The following CPA6 variants were observed in gnomAD, a reference collection of about 807,000 sequenced individuals.
The protein encoded by CPA6 is carboxypeptidase B.
Under a neutral mutation model 63.3 loss-of-function variants are expected in CPA6, and 58 were observed. The ratio of observed to expected loss-of-function variants is 0.92; its 90% CI spans 0.74 to 1.14. CPA6 has a LOEUF of 1.14. Ranked by LOEUF, CPA6 falls within the 50% of genes most tolerant of loss-of-function variation. The pLI is 0.00. For missense variants in CPA6, 565 were observed against 526.6 expected, an observed-to-expected ratio of 1.07 and a Z score of -0.71; for synonymous variants, 185 against 179.0, an observed-to-expected ratio of 1.03 and a Z score of -0.27.
intron 8 of CPA6, among the ~76,000 whole-genome samples, chr8:67,464,721 T>C (rs1810887285): frequency 6.6e-6 from 1 of 152,254 alleles, no homozygotes; most frequent in African/African-American, 2.4e-5. Flanking sequence ...TTCATTCTTC[T>C]GCATATGGCT....
At chr8:67,537,198 T>C (rs1039308217) in intron 2 of CPA6, among the ~76,000 whole-genome samples, 2 of 152,242 alleles carry the variant, frequency 1.3e-5, no homozygotes, top group East Asian at 3.8e-4. Flanking sequence ...ATTAGGATGA[T>C]GCTGGCCTCA....
intron 2 of CPA6, among the ~76,000 whole-genome samples, chr8:67,599,057 C>T (rs1164125390): frequency 1.3e-5 from 2 of 152,056 alleles, no homozygotes; most frequent in Non-Finnish European, 1.5e-5. Context: ...CATCATTGTA[C>T]TTTAAGCTAC....
At chr8:67,598,181 T>C (rs1347833652) in intron 2 of CPA6, among the ~76,000 whole-genome samples, 1 of 152,222 alleles carries the variant, frequency 6.6e-6, no homozygotes, top group African/African-American at 2.4e-5. Flanking sequence ...CTTCACATTT[T>C]AGCTGTCATT....
chr8:67,667,160 T>C (rs917568268), intron 1 of CPA6, among the ~76,000 whole-genome samples: 11 of 152,210 alleles, frequency 7.2e-5, no homozygotes, highest in African/African-American at 2.7e-4. Context: ...TGGACTCCCA[T>C]TGCTGCTTTG....
rs370948830 is a variant in CPA6 at position 67,424,438 on chromosome 8, C to T, written c.1127-1747G>A. Among the ~76,000 whole-genome samples, 6 of 152,204 alleles carry T rather than the reference C, an allele frequency of 3.9e-5. No homozygotes were observed. In the East Asian group the frequency reaches 5.8e-4, roughly 15 times the overall value. ...ACATTAGAGCCCTCTGACTTTCCCCCGTTGAGCTCAGAGGAAGAAATGCTC... is the reference window on the plus strand; with the variant it reads ...ACATTAGAGCCCTCTGACTTTCCCCTGTTGAGCTCAGAGGAAGAAATGCTC... On this transcript the variant is annotated intron_variant, in intron 10 of 10. Transcript: ENST00000297770.
intron 1 of CPA6, among the ~76,000 whole-genome samples, chr8:67,726,716 CATG>C (rs1353753100): frequency 2.6e-5 from 4 of 152,190 alleles, no homozygotes; most frequent in Non-Finnish European, 5.9e-5. Flanking sequence ...CATATATCAG[CATG>C]ATGCAGGGAG....
chr8:67,505,054 C>CT (rs1811900233), intron 6 of CPA6, among the ~76,000 whole-genome samples: 1 of 152,214 alleles, frequency 6.6e-6, no homozygotes, highest in Non-Finnish European at 1.5e-5. Flanking sequence ...TGTGGGTACA[C>CT]TGTCCTTCTC....
At chr8:67,739,809 G>C (rs1817879374) in intron 1 of CPA6, among the ~76,000 whole-genome samples, 1 of 152,162 alleles carries the variant, frequency 6.6e-6, no homozygotes, top group African/African-American at 2.4e-5. Flanking sequence ...TTGAGCAAGG[G>C]AGTGATATGA....
At chr8:67,450,832 C>T (rs1336996190) in intron 8 of CPA6, among the ~76,000 whole-genome samples, 2 of 152,164 alleles carry the variant, frequency 1.3e-5, no homozygotes, top group Non-Finnish European at 1.5e-5. Context: ...CCCATACTAG[C>T]TCAGGTGGTG....
chr8:67,704,984 A>C (rs1817102364), intron 1 of CPA6, among the ~76,000 whole-genome samples: 1 of 152,190 alleles, frequency 6.6e-6, no homozygotes, highest in African/African-American at 2.4e-5. Context: ...AGGTGAGAGT[A>C]GAATAAGGAG....
In CPA6 at chr8:67,506,802, C is replaced by G; in HGVS notation, c.621G>C (p.Gln207His). The G allele has an allele frequency of 6.2e-7, 1 of 1,611,226 alleles. No homozygotes were observed. Among genetic ancestry groups the G allele is most frequent in the Non-Finnish European group, 8.5e-7 (1 of 1,177,500 alleles). Residue 207 changes from glutamine (Q) to histidine (H), a missense_variant, in exon 6 of 11, where the codon CAG (glutamine) becomes CAC (histidine). Coordinates refer to ENST00000297770, the MANE Select transcript of CPA6 (RefSeq NM_020361.5). The part of the protein sequence containing the change: ...AREWIGPAFC[Q>H]WFVKEALLTY... ...TTTAACTTACTTCTTTTACAAACCA[C>G]TGACAAAAGGCAGGACCAATCCATT...
In CPA6 at chr8:67,739,600, C is replaced by T. The variant is rs375996908; in HGVS notation, c.116+6414G>A. On this transcript the variant is annotated intron_variant, in intron 1 of 10. Transcript: ENST00000297770. ...TGCTTTAGGCTCTTACTATGAATGGCGCCTGCTTGCTTTGTTTATTCAGGG... is the reference window on the plus strand; with the variant it reads ...TGCTTTAGGCTCTTACTATGAATGGTGCCTGCTTGCTTTGTTTATTCAGGG... 6.6e-5 allele frequency among the ~76,000 whole-genome samples: 10 copies of T among 152,120 alleles called. 1 individual carries two copies. Among genetic ancestry groups the T allele is most frequent in the Admixed American group, 3.9e-4 (6 of 15,280 alleles).
At chr8:67,670,337 C>T (rs1437308410) in intron 1 of CPA6, among the ~76,000 whole-genome samples, 2 of 152,036 alleles carry the variant, frequency 1.3e-5, no homozygotes, top group Non-Finnish European at 2.9e-5. Context: ...GGGGAAGGTG[C>T]CACCCACTTT....
chr8:67,744,740 G>A (rs1328105391), intron 1 of CPA6, among the ~76,000 whole-genome samples: 6 of 152,040 alleles, frequency 3.9e-5, no homozygotes, highest in African/African-American at 4.8e-5. Context: ...ACAAATTATC[G>A]GAGGTAAAGT....
At chr8:67,590,635 G>A (rs1310421136) in intron 2 of CPA6, among the ~76,000 whole-genome samples, 4 of 152,152 alleles carry the variant, frequency 2.6e-5, no homozygotes, top group Admixed American at 1.3e-4. Context: ...TTCTCTAATG[G>A]CCAGTGATGA....
intron 1 of CPA6, among the ~76,000 whole-genome samples, chr8:67,675,755 T>C (rs1178422482): frequency 1.3e-5 from 2 of 152,232 alleles, no homozygotes; most frequent in African/African-American, 2.4e-5. Context: ...GTGCATTATC[T>C]ACTCAAAGGC....
chr8:67,566,338 T>A (rs112340109), intron 2 of CPA6, among the ~76,000 whole-genome samples: 2 of 152,162 alleles, frequency 1.3e-5, no homozygotes, highest in African/African-American at 4.8e-5. Flanking sequence ...GTGTACAGTG[T>A]CCCACCAGCA....
At chr8:67,467,713 G>A (rs1810958311) in intron 8 of CPA6, among the ~76,000 whole-genome samples, 1 of 151,996 alleles carries the variant, frequency 6.6e-6, no homozygotes, top group Non-Finnish European at 1.5e-5. Flanking sequence ...TTTAAAACCT[G>A]TAAGGGCGAC....
intron 2 of CPA6, among the ~76,000 whole-genome samples, chr8:67,593,017 C>T (rs1325526610): frequency 6.7e-6 from 1 of 149,790 alleles, no homozygotes; most frequent in Non-Finnish European, 1.5e-5. Context: ...CTCTTGTGGG[C>T]ATTTAGTGCT....
Sources: gnomAD v4.1 joint callset for allele counts (sites outside exome capture counted in the v4.1 genomes callset) on GRCh38, gnomAD v4.1.1 for gene constraint, MANE v1.5 for transcripts, NCBI Gene and HGNC (gene_info 2026-07-23, HGNC 2026-07-21) for gene names.